SORCS1: variants seen among roughly 807,000 people sequenced by gnomAD.
SORCS1 encodes sortilin related VPS10 domain containing receptor 1.
In SORCS1, 60 loss-of-function variants were observed where a neutral mutation model predicts 146.1. The ratio of observed to expected loss-of-function variants is 0.41; its 90% CI spans 0.33 to 0.51. The LOEUF is 0.51. Among genes scored for constraint, SORCS1 ranks in the 20% least tolerant of loss-of-function variants. SORCS1 has a pLI of 0.21. For missense variants in SORCS1, 1,352 were observed against 1,487.6 expected, an observed-to-expected ratio of 0.91 and a Z score of 1.50; for synonymous variants, 637 against 584.0, an observed-to-expected ratio of 1.09 and a Z score of -1.31.
chr10:107,119,227 G>A (rs1398923016), intron 1 of SORCS1, among the ~76,000 whole-genome samples: 1 of 152,106 alleles, frequency 6.6e-6, no homozygotes, highest in Non-Finnish European at 1.5e-5. Flanking sequence ...AATTGGTAAG[G>A]GTTTAGAGAT....
At chr10:106,886,194 G>A (rs995469704) in intron 2 of SORCS1, among the ~76,000 whole-genome samples, 3 of 152,078 alleles carry the variant, frequency 2.0e-5, no homozygotes, top group East Asian at 1.9e-4. Context: ...CCCAGGAGGT[G>A]GAGGCTGCTG....
At chr10:106,662,308 G>A (rs1377310609) in intron 17 of SORCS1, among the ~76,000 whole-genome samples, 1 of 151,990 alleles carries the variant, frequency 6.6e-6, no homozygotes, top group African/African-American at 2.4e-5. Flanking sequence ...TTTATAAAGT[G>A]AGTTATTTAA....
At chr10:107,168,879 A>C (rs967159177), upstream of SORCS1, among the ~76,000 whole-genome samples, 8 of 152,188 alleles carry the variant, frequency 5.3e-5, no homozygotes, top group African/African-American at 1.9e-4. Flanking sequence ...ACACTTATTG[A>C]TGATTTTCTA....
chr10:106,753,376 T>C (rs1391854421), intron 5 of SORCS1, among the ~76,000 whole-genome samples: 1 of 152,050 alleles, frequency 6.6e-6, no homozygotes, highest in Non-Finnish European at 1.5e-5. Context: ...GAATAGCTGG[T>C]ATATCTGAAG....
intron 12 of SORCS1, among the ~76,000 whole-genome samples, 194 bp downstream of exon 12, chr10:106,679,062 T>G (rs1165358931): frequency 6.6e-6 from 1 of 152,188 alleles, no homozygotes; most frequent in Admixed American, 6.6e-5. Context: ...TATTAAATGA[T>G]AAAAAATCAA....
intron 24 of SORCS1, among the ~76,000 whole-genome samples, chr10:106,595,750 A>G (rs1845869566): frequency 6.6e-6 from 1 of 152,146 alleles, no homozygotes; most frequent in Non-Finnish European, 1.5e-5. Context: ...TTTACTCAGC[A>G]TCCCCAAAGC....
rs775525001 is a variant in SORCS1 at position 106,693,554 on chromosome 10, C to A, written c.1414-5216G>T. Among the ~76,000 whole-genome samples the A allele has an allele frequency of 1.3e-5, 2 of 152,288 alleles. 1 individual carries two copies. The highest frequency in any genetic ancestry group is 4.1e-4 in the South Asian group (2 of 4,828). ...ATAAATATTTTCTGAGCATCTACTA[C>A]GTATCATATGATCTTCTAGGCACTT... On this transcript the variant is annotated intron_variant, in intron 9 of 25. Transcript: ENST00000263054.
chr10:106,578,478 C>T lies in SORCS1; in HGVS notation c.3371+891G>A, dbSNP rs117891173. 5.5e-3 allele frequency: 1,006 copies of T among 181,580 alleles called. 6 individuals carry two copies. Among genetic ancestry groups the T allele is most frequent in the Middle Eastern group, 8.4e-3 (3 of 356 alleles). 11.2% of individuals were successfully genotyped at this position (181,580 alleles called of 1,614,324 possible). A position where few individuals can be genotyped will look rare whatever the true frequency, so the allele number is the denominator to read the frequency against. ...CAGTGGTCTCTCTCAGGATGCTCTA[C>T]TGCCTGGATGTCTGCAAACATTATG... On this transcript the variant is annotated intron_variant, in intron 25 of 25. Coordinates refer to ENST00000263054, the MANE Select transcript of SORCS1 (RefSeq NM_052918.5).
chr10:106,869,587 A>G (rs1276320766), intron 2 of SORCS1, among the ~76,000 whole-genome samples: 1 of 152,216 alleles, frequency 6.6e-6, no homozygotes, highest in Non-Finnish European at 1.5e-5. Context: ...ACTAAAGACA[A>G]AAACCACAGG....
intron 23 of SORCS1, chr10:106,600,446 A>G (rs1262968522): frequency 2.0e-6 from 2 of 982,518 alleles, no homozygotes; most frequent in East Asian, 1.1e-4. Context: ...TACATTGCAT[A>G]TAAGAATAAT....
intron 2 of SORCS1, among the ~76,000 whole-genome samples, chr10:106,932,339 C>T (rs1425398596): frequency 6.6e-6 from 1 of 152,040 alleles, no homozygotes; most frequent in African/African-American, 2.4e-5. Context: ...CTGATTGCTC[C>T]CCTGATACCA....
At chr10:106,843,676 C>T (rs1949167046) in intron 2 of SORCS1, among the ~76,000 whole-genome samples, 2 of 152,152 alleles carry the variant, frequency 1.3e-5, no homozygotes, top group Non-Finnish European at 2.9e-5. Context: ...ACCTCGTGAT[C>T]TGCCCACCTT....
chr10:106,984,276 C>T (rs1244940768), intron 1 of SORCS1, among the ~76,000 whole-genome samples: 1 of 152,086 alleles, frequency 6.6e-6, no homozygotes, highest in Non-Finnish European at 1.5e-5. Flanking sequence ...TTCCCACGGA[C>T]ACAAGCTTAT....
At chr10:106,866,571 C>T (rs188150460) in intron 2 of SORCS1, among the ~76,000 whole-genome samples, 5 of 152,322 alleles carry the variant, frequency 3.3e-5, no homozygotes, top group Non-Finnish European at 7.4e-5. Flanking sequence ...AAGCTGCGAT[C>T]TGCAGCCAGA....
chr10:106,983,498 G>A (rs1336377947), intron 1 of SORCS1, among the ~76,000 whole-genome samples: 3 of 152,008 alleles, frequency 2.0e-5, no homozygotes, highest in East Asian at 3.9e-4. Flanking sequence ...GGACAATGAG[G>A]ACCCTATCAG....
At chr10:106,666,925 GC>G (rs1449172920) in intron 17 of SORCS1, among the ~76,000 whole-genome samples, 3 of 152,030 alleles carry the variant, frequency 2.0e-5, no homozygotes, top group Non-Finnish European at 2.9e-5. Flanking sequence ...TCTCTGGAAA[GC>G]CCTAACTAAT....
chr10:106,673,130 A>G, intron 14 of SORCS1, 145 bp from the exon 15 acceptor site: 1 of 562,048 alleles, frequency 1.8e-6, no homozygotes. Flanking sequence ...ATTCATGAAG[A>G]GGGTACTTTT....
At chr10:106,911,840 T>A (rs112869791) in intron 2 of SORCS1, among the ~76,000 whole-genome samples, 40 of 152,002 alleles carry the variant, frequency 2.6e-4, no homozygotes, top group East Asian at 1.7e-3. Flanking sequence ...GGACTGGGTG[T>A]GGTGGCTCAC....
chr10:106,625,638 G>T (rs1848059078), intron 19 of SORCS1, among the ~76,000 whole-genome samples: 2 of 152,086 alleles, frequency 1.3e-5, no homozygotes, highest in African/African-American at 2.4e-5. Flanking sequence ...AAACTACGTG[G>T]GTTTTCAAGC....
Sources: gnomAD v4.1 joint callset for allele counts (sites outside exome capture counted in the v4.1 genomes callset) on GRCh38, gnomAD v4.1.1 for gene constraint, MANE v1.5 for transcripts, NCBI Gene and HGNC (gene_info 2026-07-23, HGNC 2026-07-21) for gene names.